Variants in FNDC3A observed in about 807,000 individuals in gnomAD.
The protein encoded by FNDC3A is fibronectin type-III domain-containing protein 3A.
FNDC3A carries 32 observed loss-of-function variants against 148.9 expected under a neutral mutation model. The ratio of observed to expected loss-of-function variants is 0.21; its 90% CI spans 0.16 to 0.29. FNDC3A has a LOEUF of 0.29. Ranked by LOEUF, FNDC3A falls within the 10% of genes least tolerant of loss-of-function variation. The pLI is 1.00. For missense variants in FNDC3A, 1,191 were observed against 1,452.8 expected, an observed-to-expected ratio of 0.82 and a Z score of 2.93; for synonymous variants, 472 against 473.6, an observed-to-expected ratio of 1.00 and a Z score of 0.04.
At chr13:49,020,911 C>G (rs901318807) in intron 2 of FNDC3A, among the ~76,000 whole-genome samples, 13 of 152,094 alleles carry the variant, frequency 8.5e-5, no homozygotes, top group African/African-American at 2.9e-4. Context: ...TTATCATGGT[C>G]TTAATCACTA....
At chr13:49,110,549 C>A in intron 3 of FNDC3A, 1 of 672,070 alleles carries the variant, frequency 1.5e-6, no homozygotes, top group African/African-American at 1.8e-5. Flanking sequence ...CATGTAAATA[C>A]AAAAAGGTTA....
At chr13:49,119,128 C>T (rs921343202) in intron 4 of FNDC3A, among the ~76,000 whole-genome samples, 2 of 152,148 alleles carry the variant, frequency 1.3e-5, no homozygotes, top group Admixed American at 6.5e-5. Flanking sequence ...CTGGTGGGTG[C>T]CCTTCTGGGA....
intron 2 of FNDC3A, among the ~76,000 whole-genome samples, chr13:49,033,863 AC>A (rs1874306884): frequency 6.6e-6 from 1 of 152,044 alleles, no homozygotes; most frequent in South Asian, 2.1e-4. Flanking sequence ...TAAACTTAAA[AC>A]TATTAACCTT....
intron 1 of FNDC3A, chr13:48,987,830 C>G (rs998075020): frequency 6.6e-6 from 1 of 152,152 alleles, no homozygotes; most frequent in Non-Finnish European, 1.5e-5. Flanking sequence ...GAAACTATGG[C>G]TATAATCACT....
chr13:49,113,838 TC>T (rs1880743759), intron 3 of FNDC3A, among the ~76,000 whole-genome samples: 1 of 152,138 alleles, frequency 6.6e-6, no homozygotes, highest in African/African-American at 2.4e-5. Context: ...AGATTTTAGT[TC>T]CTAGAAAGAA....
At chr13:49,015,217 C>G (rs1271887705) in intron 2 of FNDC3A, among the ~76,000 whole-genome samples, 3 of 152,188 alleles carry the variant, frequency 2.0e-5, no homozygotes, top group Non-Finnish European at 4.4e-5. Context: ...GATACTGATT[C>G]TTCCTACCCA....
chr13:48,981,310 T>A (rs1566171671), intron 1 of FNDC3A, among the ~76,000 whole-genome samples: 1 of 152,146 alleles, frequency 6.6e-6, no homozygotes, highest in Admixed American at 6.5e-5. Flanking sequence ...GATTTTGGGT[T>A]AGTTTCTTGC....
intron 12 of FNDC3A, among the ~76,000 whole-genome samples, chr13:49,174,973 G>A (rs1362908268): frequency 6.6e-6 from 1 of 151,902 alleles, no homozygotes; most frequent in African/African-American, 2.4e-5. Context: ...CTCACCTTAG[G>A]GGCAGGTGCG....
chr13:49,028,682 G>A (rs993119702), intron 2 of FNDC3A, among the ~76,000 whole-genome samples: 5 of 152,218 alleles, frequency 3.3e-5, no homozygotes, highest in Non-Finnish European at 7.3e-5. Context: ...AAAGAAGGAT[G>A]TTTTATAATG....
Position 49,197,065 on chromosome 13 carries a change from T to C in FNDC3A, c.2340+75T>C, listed in dbSNP as rs945157841. 3 of 879,762 alleles carry C rather than the reference T, an allele frequency of 3.4e-6. No homozygotes were observed. In the African/African-American group the frequency reaches 5.1e-5, roughly 15 times the overall value. The allele number at this position is 879,762 out of a possible 1,614,324, so 54.5% of individuals were successfully genotyped here. ...AGTTTATATAAAAGAATAAAGATAC[T>C]GTTCATTTTTACCGCCTATATTATA... On this transcript the variant is annotated intron_variant, in intron 20 of 25. Coordinates refer to ENST00000492622, the MANE Select transcript of FNDC3A (RefSeq NM_001079673.2).
intron 2 of FNDC3A, among the ~76,000 whole-genome samples, chr13:49,006,755 ATGT>A (rs1172753234): frequency 2.0e-5 from 3 of 151,990 alleles, no homozygotes; most frequent in Admixed American, 1.3e-4. Context: ...TTTATTTAAA[ATGT>A]TGTGGTTGCA....
intron 13 of FNDC3A, among the ~76,000 whole-genome samples, chr13:49,177,049 C>T (rs1210297839): frequency 2.0e-5 from 3 of 152,218 alleles, no homozygotes; most frequent in African/African-American, 7.2e-5. Flanking sequence ...CCTCCCACCT[C>T]AGCCTCCCAA....
rs1218865809 is a variant in FNDC3A, at chr13:48,989,899, A to C, written c.-40+13722A>C. On this transcript the variant is annotated intron_variant, in intron 1 of 25. Transcript: ENST00000492622. ...CCCGAGTAGCTGGGATTACAGGTGCATGCCACCATGCCCAGCTAATTTTTG... is the reference window on the plus strand; with the variant it reads ...CCCGAGTAGCTGGGATTACAGGTGCCTGCCACCATGCCCAGCTAATTTTTG... 2.6e-5 allele frequency among the ~76,000 whole-genome samples: 4 copies of C among 152,056 alleles called. No individual in the cohort carries two copies. In the South Asian group the frequency reaches 8.3e-4, roughly 32 times the overall value.
At chr13:49,045,857 C>CT (rs1194424785) in intron 2 of FNDC3A, 9 of 322,294 alleles carry the variant, frequency 2.8e-5, no homozygotes, top group Non-Finnish European at 3.9e-5. Context: ...AAACTGGAGG[C>CT]TGTTTCTTAC....
At chr13:49,030,242 A>G (rs558380381) in intron 2 of FNDC3A, among the ~76,000 whole-genome samples, 1 of 152,224 alleles carries the variant, frequency 6.6e-6, no homozygotes, top group African/African-American at 2.4e-5. Context: ...TTGGTTCAAC[A>G]TACATAGAAC....
intron 3 of FNDC3A, among the ~76,000 whole-genome samples, chr13:49,077,185 A>G (rs1188240287): frequency 6.6e-6 from 1 of 152,216 alleles, no homozygotes; most frequent in African/African-American, 2.4e-5. Context: ...AGGTTGGAAG[A>G]TTGCTTGAGC....
At chr13:49,086,696 ATTAC>A (rs1389269458) in intron 3 of FNDC3A, among the ~76,000 whole-genome samples, 1 of 152,182 alleles carries the variant, frequency 6.6e-6, no homozygotes, top group African/African-American at 2.4e-5. Flanking sequence ...TTCTTTATAC[ATTAC>A]TTAAACAACC....
At chr13:48,998,081 A>T (rs1422895218) in intron 1 of FNDC3A, among the ~76,000 whole-genome samples, 3 of 152,188 alleles carry the variant, frequency 2.0e-5, no homozygotes, top group African/African-American at 7.2e-5. Flanking sequence ...ATGAGGTCTC[A>T]GATGGAAATG....
chr13:49,040,978 A>C (rs1401752234), intron 2 of FNDC3A, among the ~76,000 whole-genome samples: 1 of 152,132 alleles, frequency 6.6e-6, no homozygotes, highest in East Asian at 1.9e-4. Context: ...CGCTCATCAT[A>C]TTGTACTATT....
Sources: allele counts gnomAD v4.1 joint callset (sites outside exome capture counted in the v4.1 genomes callset), GRCh38; gene constraint gnomAD v4.1.1; transcripts MANE v1.5; gene names NCBI Gene and HGNC (gene_info 2026-07-23, HGNC 2026-07-21).